Variants in SKP2 observed in about 807,000 individuals in gnomAD.
SKP2 encodes S-phase kinase-associated protein 2.
In SKP2, 16 loss-of-function variants were observed where a neutral mutation model predicts 51.8. The ratio of observed to expected loss-of-function variants is 0.31; its 90% CI spans 0.21 to 0.47. SKP2 has a LOEUF of 0.47. Among genes scored for constraint, SKP2 ranks in the 20% least tolerant of loss-of-function variants. SKP2 has a pLI of 1.00. For synonymous variants in SKP2, 176 were observed against 198.6 expected (o/e 0.89, Z 0.96); for missense variants, 377 against 505.3 (o/e 0.75, Z 2.43).
At chr5:36,176,254 GATTA>G (rs1745629211) in intron 7 of SKP2, among the ~76,000 whole-genome samples, 1 of 151,546 alleles carries the variant, frequency 6.6e-6, no homozygotes, top group African/African-American at 2.4e-5. Flanking sequence ...CTTTATATAA[GATTA>G]ACTCACTGTT....
chr5:36,152,641 TAA>T, intron 1 of SKP2, 128 bp from the exon 2 acceptor site: 1 of 991,958 alleles, frequency 1.0e-6, no homozygotes, highest in Non-Finnish European at 1.5e-6. Flanking sequence ...CGCAGGCACA[TAA>T]AAAATGCGAT....
At chr5:36,156,373 A>C (rs536945121) in intron 2 of SKP2, among the ~76,000 whole-genome samples, 1 of 152,214 alleles carries the variant, frequency 6.6e-6, no homozygotes, top group Non-Finnish European at 1.5e-5. Flanking sequence ...CCTGCTGTAC[A>C]TAGATATCTG....
At chr5:36,173,475 G>C (rs1745537477) in intron 7 of SKP2, among the ~76,000 whole-genome samples, 1 of 152,204 alleles carries the variant, frequency 6.6e-6, no homozygotes, top group Admixed American at 6.5e-5. Flanking sequence ...CAGGTGAAGG[G>C]AAGGCAGTGC....
At position 36,166,737 on chromosome 5, in the gene SKP2, T is replaced by C. The variant is rs546894953; in HGVS notation, c.536+75T>C. On this transcript the variant is annotated intron_variant, in intron 4 of 9. Transcript: ENST00000274255. ...AAACAGATCAAAGCTTTTTTTTTTT[T>C]TTTCTTTCTTCAGCCTTAAAGCCTA... 1,278 of 1,383,782 alleles carry C rather than the reference T, an allele frequency of 9.2e-4. 7 individuals are homozygous for C. The highest frequency in any genetic ancestry group is 1.5e-3 in the Admixed American group (78 of 50,720). The allele number at this position is 1,383,782 out of a possible 1,614,324, so 85.7% of individuals were successfully genotyped here. A position where few individuals can be genotyped will look rare whatever the true frequency, so the allele number is the denominator to read the frequency against.
chr5:36,175,914 G>A (rs27127), intron 7 of SKP2, among the ~76,000 whole-genome samples: 125,070 of 151,812 alleles, frequency 0.82, 53,095 homozygotes, highest in Non-Finnish European at 0.94. Flanking sequence ...GAATTACTGG[G>A]CCAAAAGTAA....
Position 36,166,625 on chromosome 5 carries a change from C to A in SKP2, c.499C>A (p.Arg167=). ...SQGVIAFRCP[R]SFMDQPLAEH... is the part of the protein sequence containing the mutation. ...AGGGGTGATTGCCTTCCGCTGCCCA[C>A]GATCATTTATGGACCAACCATTGGC... Residue 167 remains arginine, a synonymous_variant, in exon 4 of 10, where the codon CGA becomes AGA. Coordinates refer to ENST00000274255, the MANE Select transcript of SKP2 (RefSeq NM_005983.4). 6.2e-7 allele frequency: 1 copy of A among 1,613,546 alleles called. No homozygotes were observed. Among genetic ancestry groups the A allele is most frequent in the Non-Finnish European group, 8.5e-7 (1 of 1,179,820 alleles).
rs1745884032 is a variant in SKP2, at chr5:36,183,587, C to T, written c.*1556C>T. Reference sequence around the variant, plus strand: ...CAGCCAAATTCTACTTCTTAAAAATCACAAAAACTAGTTTAAATTGATGAC... The same window carrying T: ...CAGCCAAATTCTACTTCTTAAAAATTACAAAAACTAGTTTAAATTGATGAC... On this transcript the variant is annotated 3_prime_UTR_variant, in exon 10 of 10. Transcript: ENST00000274255. The T allele has an allele frequency of 9.2e-7, 1 of 1,092,428 alleles. No individual in the cohort carries two copies. Among genetic ancestry groups the T allele is most frequent in the African/African-American group, 1.6e-5 (1 of 60,780 alleles). 67.7% of individuals were successfully genotyped at this position (1,092,428 alleles called of 1,614,324 possible).
chr5:36,166,031 A>G (rs1745276621), intron 3 of SKP2, among the ~76,000 whole-genome samples: 1 of 152,236 alleles, frequency 6.6e-6, no homozygotes, highest in South Asian at 2.1e-4. Context: ...AATATCTATG[A>G]CAGCCTTATT....
At chr5:36,152,329 G>A in intron 1 of SKP2, 59 bp downstream of exon 1, 1 of 1,489,782 alleles carries the variant, frequency 6.7e-7, no homozygotes, top group Non-Finnish European at 9.4e-7. Context: ...AATTCTTTTA[G>A]GCCGCGAATA....
chr5:36,157,866 G>A (rs1745002721), intron 2 of SKP2, among the ~76,000 whole-genome samples: 1 of 152,186 alleles, frequency 6.6e-6, no homozygotes, highest in South Asian at 2.1e-4. Context: ...GTGATATTCT[G>A]AGAAATAAAT....
intron 7 of SKP2, among the ~76,000 whole-genome samples, chr5:36,175,371 G>A (rs536937075): frequency 3.2e-4 from 48 of 152,128 alleles, no homozygotes; most frequent in Non-Finnish European, 4.7e-4. Context: ...ATATCCAAAC[G>A]GTATGTTGAG....
intron 7 of SKP2, among the ~76,000 whole-genome samples, chr5:36,174,269 T>C (rs906358010): frequency 3.9e-5 from 6 of 152,134 alleles, no homozygotes; most frequent in African/African-American, 1.4e-4. Context: ...GTCTACTGTT[T>C]ATGGTGAAAT....
At position 36,183,090 on chromosome 5, in the gene SKP2, C is replaced by T. The variant is rs1391020442; in HGVS notation, c.*1059C>T. 1 of 983,574 alleles carries T rather than the reference C, an allele frequency of 1.0e-6. No homozygotes were observed. The highest frequency in any genetic ancestry group is 1.1e-4 in the East Asian group (1 of 8,812). The allele number at this position is 983,574 out of a possible 1,614,324, so 60.9% of individuals were successfully genotyped here. A position where few individuals can be genotyped will look rare whatever the true frequency, so the allele number is the denominator to read the frequency against. On this transcript the variant is annotated 3_prime_UTR_variant, in exon 10 of 10. Transcript: ENST00000274255. ...AGTTCCCTAAGAGGAACTGCATGTT[C>T]TCTTCAATCAGAAATATACAGTAGA...
chr5:36,165,960 G>A (rs989987644), intron 3 of SKP2, among the ~76,000 whole-genome samples: 3 of 152,010 alleles, frequency 2.0e-5, no homozygotes, highest in African/African-American at 4.8e-5. Flanking sequence ...ACATATACAC[G>A]TGTATGTTTT....
intron 5 of SKP2, among the ~76,000 whole-genome samples, chr5:36,169,134 C>G (rs1745386653): frequency 6.6e-6 from 1 of 152,098 alleles, no homozygotes; most frequent in African/African-American, 2.4e-5. Flanking sequence ...GAAGAATGGA[C>G]TGGACTCTTC....
At chr5:36,175,039 C>CA (rs1175455808) in intron 7 of SKP2, among the ~76,000 whole-genome samples, 1 of 152,102 alleles carries the variant, frequency 6.6e-6, no homozygotes, top group African/African-American at 2.4e-5. Flanking sequence ...TTAAAAGACT[C>CA]ACGCTAGTGC....
chr5:36,159,992 T>C (rs753869481), intron 2 of SKP2, among the ~76,000 whole-genome samples: 14 of 152,204 alleles, frequency 9.2e-5, no homozygotes, highest in Non-Finnish European at 1.8e-4. Context: ...AGGAGAGGAA[T>C]ATAGAAAAGA....
intron 7 of SKP2, among the ~76,000 whole-genome samples, chr5:36,173,394 A>G (rs1385930613): frequency 6.6e-6 from 1 of 152,160 alleles, no homozygotes; most frequent in Non-Finnish European, 1.5e-5. Context: ...TTCCTCCAAG[A>G]AGTTTAAACT....
intron 6 of SKP2, 63 bp downstream of exon 6, chr5:36,170,505 C>A (rs1158849966): frequency 3.1e-5 from 31 of 1,012,456 alleles, no homozygotes; most frequent in Non-Finnish European, 4.1e-5. Flanking sequence ...TCCCTCACAT[C>A]TGTATAAAAT....
Sources: allele counts gnomAD v4.1 joint callset (sites outside exome capture counted in the v4.1 genomes callset), GRCh38; gene constraint gnomAD v4.1.1; transcripts MANE v1.5; gene names NCBI Gene and HGNC (gene_info 2026-07-23, HGNC 2026-07-21).